The following ARID1B variants were observed in gnomAD, a reference collection of about 807,000 sequenced individuals.
The protein encoded by ARID1B is AT-rich interaction domain 1B.
A neutral mutation model predicts 212.3 loss-of-function variants in ARID1B; 30 were observed. That is an observed-to-expected ratio of 0.14 (90% CI 0.11 to 0.19). ARID1B has a LOEUF of 0.19. Among genes scored for constraint, ARID1B ranks in the 10% least tolerant of loss-of-function variants. The pLI is 1.00. For synonymous variants in ARID1B, 1,402 were observed against 1,301.7 expected (o/e 1.08, Z -1.66); for missense variants, 2,891 against 3,204.0 (o/e 0.90, Z 2.36).
chr6:156,848,991 G>C lies in ARID1B; in HGVS notation c.1986+19570G>C, dbSNP rs572124800. On this transcript the variant is annotated intron_variant, in intron 2 of 19. Coordinates refer to ENST00000636930, the MANE Select transcript of ARID1B (RefSeq NM_001374828.1). Reference sequence around the variant, plus strand: ...AGCCTGTTGCCCCTTCTGCCAGGGAGAAACTTCACCGCCTGGGTCCATATA... The same window carrying C: ...AGCCTGTTGCCCCTTCTGCCAGGGACAAACTTCACCGCCTGGGTCCATATA... 8.5e-5 allele frequency among the ~76,000 whole-genome samples: 13 copies of C among 152,346 alleles called. No individual in the cohort carries two copies. In the East Asian group the frequency reaches 2.5e-3, roughly 29 times the overall value.
At chr6:157,185,355 TC>T (rs1287276108) in intron 13 of ARID1B, 1 of 152,338 alleles carries the variant, frequency 6.6e-6, no homozygotes, top group African/African-American at 2.4e-5. Flanking sequence ...GCCTCACTGT[TC>T]CTGGTCCCTG....
At chr6:156,866,914 C>G (rs1000917991) in intron 2 of ARID1B, among the ~76,000 whole-genome samples, 1 of 152,190 alleles carries the variant, frequency 6.6e-6, no homozygotes, top group African/African-American at 2.4e-5. Context: ...GAAGTTACTT[C>G]GTTTAAGTGT....
intron 8 of ARID1B, chr6:157,166,228 G>A (rs1176123185): frequency 1.3e-5 from 2 of 152,186 alleles, no homozygotes; most frequent in Non-Finnish European, 2.9e-5. Flanking sequence ...AATTGACATT[G>A]TGTGACAGTT....
chr6:156,799,774 G>A (rs946381900), intron 1 of ARID1B, among the ~76,000 whole-genome samples: 10 of 152,090 alleles, frequency 6.6e-5, no homozygotes, highest in African/African-American at 2.2e-4. Flanking sequence ...CACCACACCC[G>A]GCCTCAAATC....
At chr6:157,061,389 C>T (rs1485855424) in intron 4 of ARID1B, among the ~76,000 whole-genome samples, 1 of 152,110 alleles carries the variant, frequency 6.6e-6, no homozygotes, top group African/African-American at 2.4e-5. Flanking sequence ...TGGAAGTGCT[C>T]CACATGTCAA....
At chr6:157,092,088 C>G (rs925296034) in intron 5 of ARID1B, among the ~76,000 whole-genome samples, 1 of 152,174 alleles carries the variant, frequency 6.6e-6, no homozygotes, top group Non-Finnish European at 1.5e-5. Flanking sequence ...TGTTTTTAAT[C>G]TGTGGCAGCA....
intron 7 of ARID1B, among the ~76,000 whole-genome samples, chr6:157,136,490 A>G (rs1357190096): frequency 6.6e-6 from 1 of 152,170 alleles, no homozygotes; most frequent in Non-Finnish European, 1.5e-5. Flanking sequence ...TTCATTCAGT[A>G]AGCCACTAGG....
chr6:156,966,509 T>C (rs1426572180), intron 4 of ARID1B, among the ~76,000 whole-genome samples: 1 of 151,038 alleles, frequency 6.6e-6, no homozygotes, highest in Non-Finnish European at 1.5e-5. Context: ...TTCTCCTGCT[T>C]CAGCCACCCA....
chr6:156,950,349 G>T (rs939530741), intron 4 of ARID1B, among the ~76,000 whole-genome samples: 1 of 152,190 alleles, frequency 6.6e-6, no homozygotes, highest in Non-Finnish European at 1.5e-5. Flanking sequence ...GGATAACACA[G>T]GTCTTTAGTG....
chr6:157,076,203 A>G (rs1275562382), intron 4 of ARID1B, among the ~76,000 whole-genome samples: 2 of 152,206 alleles, frequency 1.3e-5, no homozygotes, highest in African/African-American at 4.8e-5. Context: ...GAATATCAAA[A>G]TAACCAAGTT....
chr6:156,898,120 C>T (rs942162374), intron 2 of ARID1B, among the ~76,000 whole-genome samples: 2 of 152,106 alleles, frequency 1.3e-5, no homozygotes, highest in African/African-American at 4.8e-5. Flanking sequence ...GAGGGCCGCC[C>T]GAGCTACCAG....
intron 4 of ARID1B, among the ~76,000 whole-genome samples, chr6:157,033,573 A>G (rs1401559065): frequency 6.6e-6 from 1 of 152,166 alleles, no homozygotes; most frequent in Admixed American, 6.5e-5. Flanking sequence ...TTGTTTTCCC[A>G]ATTTTCTTAC....
rs1786892642 is a variant in ARID1B, at chr6:157,111,202, C to T, written c.2581+641C>T. ...AAGTGGCCCCACATCTGCCAGTGCT[C>T]TTGACCTTTAGCTCAGTCCTGCCTG... is the stretch of plus-strand genomic sequence containing the variant. On this transcript the variant is annotated intron_variant, in intron 6 of 19. Transcript: ENST00000636930. 1.3e-5 allele frequency: 2 copies of T among 153,068 alleles called. 1 individual carries two copies. Among genetic ancestry groups the T allele is most frequent in the South Asian group, 4.1e-4 (2 of 4,860 alleles). 9.5% of individuals were successfully genotyped at this position (153,068 alleles called of 1,614,324 possible).
At chr6:156,928,785 C>G (rs138901507) in intron 3 of ARID1B, among the ~76,000 whole-genome samples, 309 of 152,294 alleles carry the variant, frequency 2.0e-3, no homozygotes, top group African/African-American at 7.2e-3. Context: ...TGCCTTCACA[C>G]CTGTGGAAGA....
chr6:157,118,767 G>A (rs1392907595), intron 6 of ARID1B, among the ~76,000 whole-genome samples: 1 of 152,170 alleles, frequency 6.6e-6, no homozygotes, highest in Non-Finnish European at 1.5e-5. Context: ...TCATCCCAAA[G>A]CTGGGAAAAC....
intron 4 of ARID1B, among the ~76,000 whole-genome samples, chr6:156,960,899 G>T (rs1455018373): frequency 1.3e-5 from 2 of 152,172 alleles, no homozygotes; most frequent in Non-Finnish European, 2.9e-5. Context: ...GTCCTAGGAA[G>T]TGTTTTCCTC....
chr6:156,921,654 G>C (rs891656527), intron 3 of ARID1B, among the ~76,000 whole-genome samples: 3 of 152,156 alleles, frequency 2.0e-5, no homozygotes, highest in Admixed American at 2.0e-4. Flanking sequence ...TGTACTCTTA[G>C]AGTGGGGAAG....
At chr6:157,175,227 G>C in intron 11 of ARID1B, 1 of 326,590 alleles carries the variant, frequency 3.1e-6, no homozygotes, top group Non-Finnish European at 5.2e-6. Flanking sequence ...TAATGAAAAA[G>C]CTGTTATAAA....
intron 15 of ARID1B, chr6:157,193,867 C>T (rs1793548923): frequency 6.6e-6 from 1 of 152,232 alleles, no homozygotes; most frequent in South Asian, 2.1e-4. Context: ...AGATGCACTT[C>T]TTTGGGGGTT....
Sources: gnomAD v4.1 joint callset for allele counts (sites outside exome capture counted in the v4.1 genomes callset) on GRCh38, gnomAD v4.1.1 for gene constraint, MANE v1.5 for transcripts, NCBI Gene and HGNC (gene_info 2026-07-23, HGNC 2026-07-21) for gene names.